FBXO11: variants seen among roughly 807,000 people sequenced by gnomAD.
FBXO11 encodes the protein F-box protein 11.
FBXO11 carries 13 observed loss-of-function variants against 117.0 expected under a neutral mutation model. That is an observed-to-expected ratio of 0.11 (90% CI 0.07 to 0.18). FBXO11 has a LOEUF of 0.18. Among genes scored for constraint, FBXO11 ranks in the 10% least tolerant of loss-of-function variants. FBXO11 has a pLI of 1.00. For missense variants in FBXO11, 767 were observed against 1,164.4 expected (o/e 0.66, Z 4.97); for synonymous variants, 490 against 380.5 (o/e 1.29, Z -3.35).
intron 1 of FBXO11, among the ~76,000 whole-genome samples, chr2:47,901,102 TATGTATATATGTACACACGTGTGTAC>T (rs1372269271): frequency 8.4e-4 from 90 of 106,516 alleles, no homozygotes; most frequent in South Asian, 1.5e-3. Flanking sequence ...TATACATATA[TATGTATATATGTACACACGTGTGTAC>T]ATGTATATAT....
intron 1 of FBXO11, chr2:47,888,547 G>T: frequency 4.2e-6 from 1 of 236,814 alleles, no homozygotes; most frequent in Non-Finnish European, 6.9e-6. Context: ...TATCTTCTGA[G>T]TATATAATAG....
rs1301505944 is a variant in FBXO11 at position 47,810,442 on chromosome 2, T to G, written c.2228-16A>C. 1 of 1,549,208 alleles carries G rather than the reference T, an allele frequency of 6.5e-7. No individual in the cohort carries two copies. The highest frequency in any genetic ancestry group is 8.9e-7 in the Non-Finnish European group (1 of 1,129,576). On this transcript the variant is annotated splice_polypyrimidine_tract_variant and intron_variant, in intron 18 of 22. Coordinates refer to ENST00000403359, the MANE Select transcript of FBXO11 (RefSeq NM_001190274.2). Reference sequence around the variant, plus strand: ...TCAAGGAGACCTATAATAAAATATTTCCTTAGATTAAGGCTAATGCATATA... The same window carrying G: ...TCAAGGAGACCTATAATAAAATATTGCCTTAGATTAAGGCTAATGCATATA...
chr2:47,828,113 A>G (rs1169046319), intron 11 of FBXO11, among the ~76,000 whole-genome samples: 4 of 151,426 alleles, frequency 2.6e-5, no homozygotes, highest in African/African-American at 7.3e-5. Context: ...CCAAGTAGCT[A>G]GGATTATAGG....
At chr2:47,840,747 TATG>T (rs1672953216) in intron 1 of FBXO11, among the ~76,000 whole-genome samples, 1 of 151,468 alleles carries the variant, frequency 6.6e-6, no homozygotes, top group African/African-American at 2.4e-5. Context: ...TGCAGTGAGC[TATG>T]ATCACACATC....
chr2:47,844,166 A>G (rs1040761204), intron 1 of FBXO11, among the ~76,000 whole-genome samples: 8 of 152,154 alleles, frequency 5.3e-5, no homozygotes, highest in African/African-American at 1.9e-4. Flanking sequence ...TTAATTTCTA[A>G]AAGTTAATTT....
intron 1 of FBXO11, among the ~76,000 whole-genome samples, chr2:47,856,355 A>G (rs1035372695): frequency 6.6e-6 from 1 of 152,256 alleles, no homozygotes; most frequent in Non-Finnish European, 1.5e-5. Flanking sequence ...GTAAACACCA[A>G]AAGAGGAAGA....
chr2:47,839,359 T>C (rs767269363), intron 3 of FBXO11, 60 bp downstream of exon 3: 135 of 1,457,286 alleles, frequency 9.3e-5, no homozygotes, highest in Non-Finnish European at 1.2e-4. Flanking sequence ...CATTTTTTGG[T>C]ATCAAGCAAA....
Position 47,906,260 on chromosome 2 carries a change from A to G in FBXO11, c.-540T>C. Reference sequence around the variant, plus strand: ...TCCTCCCCCCCACACCCCCTGAAAGAGATTTCTGTGAGGAATTTTTCTCTC... The same window carrying G: ...TCCTCCCCCCCACACCCCCTGAAAGGGATTTCTGTGAGGAATTTTTCTCTC... On this transcript the variant is annotated 5_prime_UTR_variant, in exon 1 of 23. Transcript: ENST00000403359. The G allele has an allele frequency of 6.3e-6, 1 of 158,136 alleles. No homozygotes were observed. The highest frequency in any genetic ancestry group is 1.4e-5 in the Non-Finnish European group (1 of 71,832). 9.8% of individuals were successfully genotyped at this position (158,136 alleles called of 1,614,324 possible). A position where few individuals can be genotyped will look rare whatever the true frequency, so the allele number is the denominator to read the frequency against.
chr2:47,876,508 T>C (rs937012036), intron 1 of FBXO11, among the ~76,000 whole-genome samples: 1 of 152,186 alleles, frequency 6.6e-6, no homozygotes, highest in Admixed American at 6.5e-5. Flanking sequence ...TGACAGATAA[T>C]AGTTTAAATG....
chr2:47,812,272 T>C (rs1417716543), intron 18 of FBXO11, among the ~76,000 whole-genome samples: 3 of 152,208 alleles, frequency 2.0e-5, no homozygotes, highest in Admixed American at 2.0e-4. Flanking sequence ...AGCATCTGTA[T>C]CATAGTAGTT....
chr2:47,829,040 A>G (rs1398182761), intron 11 of FBXO11, among the ~76,000 whole-genome samples: 1 of 149,762 alleles, frequency 6.7e-6, no homozygotes. Context: ...TCATGCCTCA[A>G]CCTCCTGAGA....
chr2:47,817,776 C>T (rs1671106213), intron 16 of FBXO11, among the ~76,000 whole-genome samples: 1 of 152,222 alleles, frequency 6.6e-6, no homozygotes, highest in African/African-American at 2.4e-5. Context: ...TCAGAACACA[C>T]ACAACGTTTA....
At chr2:47,905,351 G>A (rs747092225) in intron 1 of FBXO11, 138 bp downstream of exon 1, 26 of 911,698 alleles carry the variant, frequency 2.9e-5, no homozygotes, top group African/African-American at 3.5e-5. Flanking sequence ...GGCACCGGGG[G>A]ACCCGCCTCC....
intron 3 of FBXO11, 32 bp from the exon 4 acceptor site, chr2:47,839,035 C>A: frequency 1.3e-6 from 2 of 1,568,006 alleles, no homozygotes; most frequent in Non-Finnish European, 1.7e-6. Context: ...AACTATCATT[C>A]GAGCAATAAC....
chr2:47,891,365 T>G (rs1256694566), intron 1 of FBXO11, among the ~76,000 whole-genome samples: 2 of 152,238 alleles, frequency 1.3e-5, no homozygotes, highest in East Asian at 3.8e-4. Flanking sequence ...TAACTTCATT[T>G]AAGTGAAATC....
intron 1 of FBXO11, among the ~76,000 whole-genome samples, chr2:47,853,130 G>A (rs1024178933): frequency 6.7e-6 from 1 of 150,316 alleles, no homozygotes; most frequent in Middle Eastern, 3.4e-3. Flanking sequence ...ACAGTGCAGT[G>A]GCACGATCTT....
At chr2:47,808,973 A>C (rs1670424000) in intron 21 of FBXO11, 185 bp downstream of exon 21, 5 of 474,060 alleles carry the variant, frequency 1.1e-5, no homozygotes, top group Non-Finnish European at 1.1e-5. Flanking sequence ...CTAGGATTAC[A>C]GGCATAAGCC....
intron 1 of FBXO11, among the ~76,000 whole-genome samples, chr2:47,876,816 C>T (rs1676040061): frequency 6.6e-6 from 1 of 152,120 alleles, no homozygotes; most frequent in Admixed American, 6.5e-5. Flanking sequence ...ACCTTTTAAT[C>T]ATTATCTCAC....
intron 20 of FBXO11, 98 bp downstream of exon 20, chr2:47,809,502 C>A: frequency 6.7e-6 from 6 of 891,234 alleles, no homozygotes; most frequent in Non-Finnish European, 1.0e-5. Context: ...CTGTTGCTAA[C>A]TTGGAGAGTG....
Sources: allele counts gnomAD v4.1 joint callset (sites outside exome capture counted in the v4.1 genomes callset), GRCh38; gene constraint gnomAD v4.1.1; transcripts MANE v1.5; gene names NCBI Gene and HGNC (gene_info 2026-07-23, HGNC 2026-07-21).